Variants in CAMSAP1 observed in about 807,000 individuals in gnomAD.
The protein encoded by CAMSAP1 is calmodulin regulated spectrin associated protein 1, also known as calmodulin-regulated spectrin-associated protein 1.
In CAMSAP1, 58 loss-of-function variants were observed where a neutral mutation model predicts 143.5. The observed-to-expected ratio is 0.40, with a 90% CI of 0.33 to 0.50. The LOEUF (loss-of-function observed/expected upper bound fraction) is 0.50. Among genes scored for constraint, CAMSAP1 ranks in the 20% least tolerant of loss-of-function variants. The pLI, the probability that CAMSAP1 is intolerant of heterozygous loss-of-function variation, is 0.45. For missense variants in CAMSAP1, 1,969 were observed against 2,115.7 expected (o/e 0.93, Z 1.36); for synonymous variants, 945 against 859.3 (o/e 1.10, Z -1.74).
chr9:135,900,387 T>C (rs1307171495), intron 1 of CAMSAP1, among the ~76,000 whole-genome samples: 1 of 151,924 alleles, frequency 6.6e-6, no homozygotes, highest in Admixed American at 6.5e-5. Context: ...GACTGGGGAA[T>C]AATAAACCAC....
At chr9:135,814,689 C>T (rs148629382) in intron 16 of CAMSAP1, among the ~76,000 whole-genome samples, 1 of 152,240 alleles carries the variant, frequency 6.6e-6, no homozygotes, top group Non-Finnish European at 1.5e-5. Flanking sequence ...CCAGCCCTGG[C>T]CCCTGTTCCT....
At chr9:135,812,741 G>T (rs1835094679) in intron 16 of CAMSAP1, among the ~76,000 whole-genome samples, 1 of 152,166 alleles carries the variant, frequency 6.6e-6, no homozygotes, top group Non-Finnish European at 1.5e-5. Flanking sequence ...AGCTGAGGTG[G>T]GCGAATCACT....
intron 8 of CAMSAP1, among the ~76,000 whole-genome samples, 192 bp from the exon 9 acceptor site, chr9:135,825,072 C>T (rs1485477645): frequency 1.3e-5 from 2 of 152,202 alleles, no homozygotes; most frequent in East Asian, 3.8e-4. Flanking sequence ...AACATCCACA[C>T]ACTGCAAACG....
At chr9:135,889,194 CAACTGTATGT>C (rs1838218858) in intron 1 of CAMSAP1, among the ~76,000 whole-genome samples, 1 of 152,196 alleles carries the variant, frequency 6.6e-6, no homozygotes, top group South Asian at 2.1e-4. Context: ...AACCTACGCT[CAACTGTATGT>C]AGCCCCCAGG....
At chr9:135,904,762 T>C (rs540012091) in intron 1 of CAMSAP1, among the ~76,000 whole-genome samples, 1 of 151,564 alleles carries the variant, frequency 6.6e-6, no homozygotes, top group South Asian at 2.1e-4. Context: ...AGGTCAGGAG[T>C]TCGAGACCAG....
In CAMSAP1 at chr9:135,811,918, C is replaced by T. The variant is rs965418757; in HGVS notation, c.4507-307G>A. Reference sequence around the variant, plus strand: ...AGAAATGCCAGTCAGAAAGAGACGTCGCGTCATGCCCACAAGGACGGCTGG... The same window carrying T: ...AGAAATGCCAGTCAGAAAGAGACGTTGCGTCATGCCCACAAGGACGGCTGG... On this transcript the variant is annotated intron_variant, in intron 16 of 16. Transcript: ENST00000389532. The surrounding 1 kb of genome is among the most constrained non-coding windows in gnomAD (Gnocchi z 4.9). Among the ~76,000 whole-genome samples, 5 of 152,202 alleles carry T rather than the reference C, an allele frequency of 3.3e-5. No homozygotes were observed. The highest frequency in any genetic ancestry group is 5.9e-5 in the Non-Finnish European group (4 of 68,044).
chr9:135,823,645 G>A (rs1835567501), intron 10 of CAMSAP1, among the ~76,000 whole-genome samples: 1 of 152,212 alleles, frequency 6.6e-6, no homozygotes, highest in Non-Finnish European at 1.5e-5. Context: ...GAAGTTCCTA[G>A]TGTTAAGGGC....
At chr9:135,829,989 T>TGC in intron 7 of CAMSAP1, among the ~76,000 whole-genome samples, 1 of 152,170 alleles carries the variant, frequency 6.6e-6, no homozygotes, top group Non-Finnish European at 1.5e-5. Flanking sequence ...GTCTTGCATA[T>TGC]AAGTGAAGGT....
At chr9:135,841,337 G>GT (rs781037450) in intron 7 of CAMSAP1, among the ~76,000 whole-genome samples, 2 of 152,180 alleles carry the variant, frequency 1.3e-5, no homozygotes, top group African/African-American at 2.4e-5. Flanking sequence ...TGAAAGAAAA[G>GT]TATTAGCCCT....
rs183639190 is a variant in CAMSAP1 at position 135,837,941 on chromosome 9, A to G, written c.1046-10357T>C. ...CTTTCCACCTGTTCTACAGACACAC[A>G]TCATCACACGCTTTCTACCCCTTCT... On this transcript the variant is annotated intron_variant, in intron 7 of 16. Transcript: ENST00000389532. Among the ~76,000 whole-genome samples, 790 of 126,492 alleles carry G rather than the reference A, an allele frequency of 6.2e-3. 14 individuals carry two copies. Among genetic ancestry groups the G allele is most frequent in the African/African-American group, 0.022 (716 of 32,854 alleles). The allele number at this position is 126,492 out of a possible 152,430, so 83.0% of individuals were successfully genotyped here.
chr9:135,855,373 G>A (rs1398697551), intron 5 of CAMSAP1, among the ~76,000 whole-genome samples: 9 of 152,140 alleles, frequency 5.9e-5, no homozygotes, highest in Non-Finnish European at 1.2e-4. Context: ...ATGGCTTCCA[G>A]CTCCATCCAC....
At position 135,822,041 on chromosome 9, in the gene CAMSAP1, G is replaced by T; in HGVS notation, c.2620C>A (p.Leu874Met). Residue 874 changes from leucine (L) to methionine (M), a missense_variant, in exon 11 of 17, where the codon CTG becomes ATG. Physicochemically the swap from Leu to Met is conservative, Grantham distance 15. Coordinates refer to ENST00000389532, the MANE Select transcript of CAMSAP1 (RefSeq NM_015447.4). The surrounding 1 kb of genome is among the most constrained non-coding windows in gnomAD (Gnocchi z 6.1). ...TGCAGCTGTACCAGCTCAGATGCCA[G>T]GAGGCTGGCGGGATCCTTGCCATGC... ...SQHGKDPASLLASELVQLHMQ... is the reference protein window; with the variant it reads ...SQHGKDPASLMASELVQLHMQ... 1 of 1,612,602 alleles carries T rather than the reference G, an allele frequency of 6.2e-7. No individual in the cohort carries two copies. The highest frequency in any genetic ancestry group is 8.5e-7 in the Non-Finnish European group (1 of 1,179,460).
In CAMSAP1 at chr9:135,898,784, T is replaced by C. The variant is rs529290007; in HGVS notation, c.160+8216A>G. ...CTGCTGGCCAAATAAATATGTCACT[T>C]TGGAAAACAACTGGGCACTTTCTTA... On this transcript the variant is annotated intron_variant, in intron 1 of 16. Coordinates refer to ENST00000389532, the MANE Select transcript of CAMSAP1 (RefSeq NM_015447.4). Among the ~76,000 whole-genome samples, 12 of 152,328 alleles carry C rather than the reference T, an allele frequency of 7.9e-5. No homozygotes were observed. The South Asian group carries it at 2.5e-3, about 32-fold the overall frequency.
In CAMSAP1 at chr9:135,821,833, T is replaced by C. The variant is rs1259821800; in HGVS notation, c.2828A>G (p.Asn943Ser). ...AACAGCGTCCCCACAGTCCTCCCCG[T>C]TGTGCTGAGAGTACTCCTTTGCAAA... is the stretch of plus-strand genomic sequence containing the variant. ...EHFAKEYSQH[N>S]GEDCGDAVSK... The change falls in exon 11 of 17, where the codon AAC becomes AGC. Residue 943 changes from asparagine to serine, a missense_variant. Asn to Ser is a conservative substitution (Grantham distance 46, BLOSUM62 1). Coordinates refer to ENST00000389532, the MANE Select transcript of CAMSAP1 (RefSeq NM_015447.4). This position sits in a 1 kb window ranked among gnomAD's most constrained non-coding sequence, Gnocchi z 4.6. 1.2e-6 allele frequency: 2 copies of C among 1,614,024 alleles called. No homozygotes were observed. Among genetic ancestry groups the C allele is most frequent in the Admixed American group, 3.3e-5 (2 of 60,034 alleles).
At chr9:135,844,251 C>T (rs1836471328) in intron 7 of CAMSAP1, among the ~76,000 whole-genome samples, 1 of 152,198 alleles carries the variant, frequency 6.6e-6, no homozygotes, top group South Asian at 2.1e-4. Flanking sequence ...AACAAACAAT[C>T]TCTCAGACCA....
At chr9:135,834,994 G>A (rs1173369659) in intron 7 of CAMSAP1, among the ~76,000 whole-genome samples, 1 of 152,072 alleles carries the variant, frequency 6.6e-6, no homozygotes, top group African/African-American at 2.4e-5. Context: ...CACACACCCC[G>A]TGGAGCTGCG....
At chr9:135,814,997 C>T (rs1835178920) in intron 16 of CAMSAP1, 100 bp downstream of exon 16, 1 of 847,524 alleles carries the variant, frequency 1.2e-6, no homozygotes. Context: ...TAGTAACTCT[C>T]ATGCATCAAA....
At chr9:135,889,761 T>C (rs1193561613) in intron 1 of CAMSAP1, among the ~76,000 whole-genome samples, 1 of 152,166 alleles carries the variant, frequency 6.6e-6, no homozygotes, top group Non-Finnish European at 1.5e-5. Context: ...TGGGAGCGCA[T>C]GGGATGGTTA....
chr9:135,826,994 GCAAA>G lies in CAMSAP1; in HGVS notation c.1223+409_1223+412del, dbSNP rs780985627. On this transcript the variant is annotated intron_variant, in intron 8 of 16. Transcript: ENST00000389532. The surrounding 1 kb of genome is among the most constrained non-coding windows in gnomAD (Gnocchi z 4.4). ...AATCAAATTAATTCTTCCCCAAAGA[GCAAA>G]CAAATTCTCTTCTTTGAAGACTTCA... is the stretch of plus-strand genomic sequence containing the variant. Among the ~76,000 whole-genome samples, 32 of 152,184 alleles carry G rather than the reference GCAAA, an allele frequency of 2.1e-4. No individual in the cohort carries two copies. The highest frequency in any genetic ancestry group is 2.9e-4 in the Non-Finnish European group (20 of 68,038).
Sources: allele counts gnomAD v4.1 joint callset (sites outside exome capture counted in the v4.1 genomes callset), GRCh38; gene constraint gnomAD v4.1.1; non-coding constraint Gnocchi (gnomAD v3.1); transcripts MANE v1.5; gene names NCBI Gene and HGNC (gene_info 2026-07-23, HGNC 2026-07-21).